The following ARHGEF37 variants were observed in gnomAD, a reference collection of about 807,000 sequenced individuals.
ARHGEF37 encodes Rho guanine nucleotide exchange factor (GEF) 37.
In ARHGEF37, 55 loss-of-function variants were observed where a neutral mutation model predicts 71.1. The ratio of observed to expected loss-of-function variants is 0.77; its 90% CI spans 0.62 to 0.97. ARHGEF37 has a LOEUF of 0.97. ARHGEF37 is among the 50% of genes least tolerant of loss of function. The pLI, the probability that ARHGEF37 is intolerant of heterozygous loss-of-function variation, is 0.00. For missense variants in ARHGEF37, 765 were observed against 836.8 expected (o/e 0.91, Z 1.06); for synonymous variants, 327 against 350.6 (o/e 0.93, Z 0.75).
At chr5:149,600,691 A>G (rs1411401500) in intron 2 of ARHGEF37, among the ~76,000 whole-genome samples, 1 of 150,288 alleles carries the variant, frequency 6.7e-6, no homozygotes, top group Non-Finnish European at 1.5e-5. Context: ...CCCAGGCTGG[A>G]GTGCAGTGGC....
intron 12 of ARHGEF37, among the ~76,000 whole-genome samples, chr5:149,631,233 A>G (rs1752875974): frequency 7.3e-6 from 1 of 137,134 alleles, no homozygotes; most frequent in East Asian, 2.1e-4. Flanking sequence ...GTGCAGTGCC[A>G]TGATCTCGGC....
intron 4 of ARHGEF37, among the ~76,000 whole-genome samples, chr5:149,613,025 C>G (rs1752244055): frequency 6.6e-6 from 1 of 152,206 alleles, no homozygotes; most frequent in Non-Finnish European, 1.5e-5. Flanking sequence ...AATGGTAGAG[C>G]TGTCAGGGTG....
At chr5:149,600,726 C>G (rs967005916) in intron 2 of ARHGEF37, among the ~76,000 whole-genome samples, 18 of 151,900 alleles carry the variant, frequency 1.2e-4, no homozygotes, top group African/African-American at 4.4e-4. Context: ...CTGCAACCTC[C>G]ACCTCCCAGG....
chr5:149,616,756 C>A lies in ARHGEF37; in HGVS notation c.648C>A (p.Arg216=). The change falls in exon 5 of 13, where the codon CGC becomes CGA. Residue 216 remains arginine, a synonymous_variant. Coordinates refer to ENST00000333677, the MANE Select transcript of ARHGEF37 (RefSeq NM_001001669.3). ...VNTNINEYKM[R]KEVASKYTKV... ...CCAATATCAATGAGTACAAGATGCG[C>A]AAGGAAGTGGGTAAGGACTTGGGCA... 6.2e-7 allele frequency: 1 copy of A among 1,601,752 alleles called. No individual in the cohort carries two copies.
chr5:149,632,187 C>CT lies in ARHGEF37; in HGVS notation c.2026dup (p.Ter676LeufsTer17). The CT allele has an allele frequency of 6.2e-7, 1 of 1,613,990 alleles. No homozygotes were observed. Among genetic ancestry groups the CT allele is most frequent in the Non-Finnish European group, 8.5e-7 (1 of 1,179,928 alleles). On this transcript the variant is annotated frameshift_variant, in exon 13 of 13. Transcript: ENST00000333677. LOFTEE classifies it high-confidence loss of function. ...GTTCTGTGGGGCTGGAGTCTGCCCT[C>CT]TTAGGGTACCCTCTTTGGAGCCTAC... is the stretch of plus-strand genomic sequence containing the variant.
intron 4 of ARHGEF37, among the ~76,000 whole-genome samples, chr5:149,612,266 C>T (rs1477552992): frequency 1.3e-5 from 2 of 152,186 alleles, no homozygotes; most frequent in Non-Finnish European, 2.9e-5. Context: ...CTCCCGGGTT[C>T]ACGCCATTCT....
intron 1 of ARHGEF37, among the ~76,000 whole-genome samples, chr5:149,592,757 G>T (rs1580899277): frequency 2.0e-5 from 3 of 151,652 alleles, no homozygotes; most frequent in Admixed American, 1.3e-4. Context: ...TGTTTTTTTT[G>T]GTTTGTTTGT....
chr5:149,565,312 G>T (rs537768696), intron 1 of ARHGEF37, among the ~76,000 whole-genome samples: 1 of 152,294 alleles, frequency 6.6e-6, no homozygotes, highest in East Asian at 1.9e-4. Context: ...TGACAGCAGA[G>T]AATAAGTCCT....
chr5:149,618,852 T>C, intron 6 of ARHGEF37, 86 bp from the exon 7 acceptor site: 2 of 1,090,882 alleles, frequency 1.8e-6, no homozygotes, highest in Non-Finnish European at 2.8e-6. Flanking sequence ...TGTGGAAAGG[T>C]TGTCCCAGTG....
At chr5:149,594,048 C>A (rs1271694065) in intron 1 of ARHGEF37, among the ~76,000 whole-genome samples, 2 of 151,956 alleles carry the variant, frequency 1.3e-5, no homozygotes, top group Non-Finnish European at 2.9e-5. Context: ...TATTTTGATA[C>A]CTGTATACAA....
intron 3 of ARHGEF37, among the ~76,000 whole-genome samples, chr5:149,602,520 C>T (rs1763785987): frequency 6.6e-6 from 1 of 151,312 alleles, no homozygotes; most frequent in South Asian, 2.1e-4. Flanking sequence ...CGGGATCTCA[C>T]TCTGTTGCCC....
intron 1 of ARHGEF37, among the ~76,000 whole-genome samples, chr5:149,562,698 G>C (rs113298655): frequency 6.6e-6 from 1 of 152,042 alleles, no homozygotes; most frequent in Non-Finnish European, 1.5e-5. Context: ...CGCCCGCCTC[G>C]GCCTCCCAAA....
intron 6 of ARHGEF37, among the ~76,000 whole-genome samples, chr5:149,618,631 G>C (rs1389962906): frequency 6.6e-6 from 1 of 152,186 alleles, no homozygotes; most frequent in African/African-American, 2.4e-5. Flanking sequence ...AACCAAGCAT[G>C]CTCACACAAT....
chr5:149,568,264 G>C (rs2113242397), intron 1 of ARHGEF37, among the ~76,000 whole-genome samples: 1 of 152,056 alleles, frequency 6.6e-6, no homozygotes, highest in East Asian at 1.9e-4. Flanking sequence ...TGTGCTCAAA[G>C]AGTACTCCTG....
chr5:149,629,743 C>T (rs915894521), intron 12 of ARHGEF37, among the ~76,000 whole-genome samples: 5 of 152,160 alleles, frequency 3.3e-5, no homozygotes, highest in Admixed American at 6.5e-5. Context: ...CATGTGTATG[C>T]GTGTTCATGG....
At chr5:149,585,235 C>A (rs1401775528) in intron 1 of ARHGEF37, among the ~76,000 whole-genome samples, 1 of 152,140 alleles carries the variant, frequency 6.6e-6, no homozygotes, top group Non-Finnish European at 1.5e-5. Flanking sequence ...TCAAAAAGAT[C>A]TTAGTTAAAT....
intron 1 of ARHGEF37, among the ~76,000 whole-genome samples, chr5:149,586,239 A>G (rs76206409): frequency 1.2e-5 from 1 of 81,942 alleles, no homozygotes; most frequent in African/African-American, 6.9e-5. Flanking sequence ...GCAGAGAAGT[A>G]AAGTGACAAA....
intron 2 of ARHGEF37, among the ~76,000 whole-genome samples, chr5:149,598,493 C>T (rs1763641597): frequency 6.7e-6 from 1 of 150,212 alleles, no homozygotes; most frequent in South Asian, 2.1e-4. Context: ...TCTTCTTCCT[C>T]CTCTTCTTCT....
At position 149,565,522 on chromosome 5, in the gene ARHGEF37, A is replaced by T. The variant is rs74951154; in HGVS notation, c.-12+13399A>T. ...TATATTTATGAATGGGCAAAAGCAT[A>T]CTGGCTACCAAGAGACACTGAAATA... On this transcript the variant is annotated intron_variant, in intron 1 of 2. Coordinates refer to the ARHGEF37 transcript ENST00000505810. Among the ~76,000 whole-genome samples, 34 of 152,342 alleles carry T rather than the reference A, an allele frequency of 2.2e-4. No homozygotes were observed. In the South Asian group the frequency reaches 6.0e-3, roughly 27 times the overall value.
Sources: gnomAD v4.1 joint callset for allele counts (sites outside exome capture counted in the v4.1 genomes callset) on GRCh38, gnomAD v4.1.1 for gene constraint, MANE v1.5 for transcripts, NCBI Gene and HGNC (gene_info 2026-07-23, HGNC 2026-07-21) for gene names.